Variants in ESCO2 observed in about 807,000 individuals in gnomAD.
ESCO2 encodes the protein establishment of sister chromatid cohesion N-acetyltransferase 2, also known as N-acetyltransferase ESCO2.
Under a neutral mutation model 61.7 loss-of-function variants are expected in ESCO2, and 51 were observed. The observed-to-expected ratio is 0.83, with a 90% CI of 0.66 to 1.04. The LOEUF is 1.04. Ranked by LOEUF, ESCO2 falls within the 50% of genes least tolerant of loss-of-function variation. ESCO2 has a pLI of 0.00. For synonymous variants in ESCO2, 230 were observed against 238.2 expected (o/e 0.97, Z 0.32); for missense variants, 692 against 686.2 (o/e 1.01, Z -0.09).
At chr8:27,775,265 G>A (rs1252419089) in intron 1 of ESCO2, among the ~76,000 whole-genome samples, 1 of 152,154 alleles carries the variant, frequency 6.6e-6, no homozygotes, top group Non-Finnish European at 1.5e-5. Flanking sequence ...GAAGGCTGTT[G>A]AGATGGGGAA....
At position 27,788,008 on chromosome 8, in the gene ESCO2, T is replaced by TA. The variant is rs1805086181; in HGVS notation, c.1131+9dup. On this transcript the variant is annotated splice_region_variant and intron_variant, in intron 6 of 10. Transcript: ENST00000305188. ...CAAAAGACCAGCTCATCATCGTGAG[T>TA]AAATTCCAAACAAAGCTTCTCCTAT... 6.3e-7 allele frequency: 1 copy of TA among 1,597,074 alleles called. No homozygotes were observed. Among genetic ancestry groups the TA allele is most frequent in the Non-Finnish European group, 8.6e-7 (1 of 1,164,966 alleles).
intron 9 of ESCO2, among the ~76,000 whole-genome samples, chr8:27,798,488 TTACTA>T (rs1805353741): frequency 6.6e-6 from 1 of 151,910 alleles, no homozygotes; most frequent in Non-Finnish European, 1.5e-5. Flanking sequence ...AAACATGTAT[TTACTA>T]TATGATCCAG....
Position 27,787,975 on chromosome 8 carries a change from T to TA in ESCO2, c.1111dup (p.Thr371AsnfsTer32), listed in dbSNP as rs80359859. ...AAAATACTAATACCAGAGATACAAG[T>TA]AAAAAAACAAAAGACCAGCTCATCA... On this transcript the variant is annotated frameshift_variant, in exon 6 of 11. Coordinates refer to ENST00000305188, the MANE Select transcript of ESCO2 (RefSeq NM_001017420.3). LOFTEE classifies it high-confidence loss of function. 2 of 1,613,020 alleles carry TA rather than the reference T, an allele frequency of 1.2e-6. No homozygotes were observed. Among genetic ancestry groups the TA allele is most frequent in the Non-Finnish European group, 8.5e-7 (1 of 1,179,260 alleles).
chr8:27,787,518 A>G (rs1469238995), intron 5 of ESCO2, among the ~76,000 whole-genome samples: 1 of 152,170 alleles, frequency 6.6e-6, no homozygotes, highest in Non-Finnish European at 1.5e-5. Context: ...TCATAGCTGT[A>G]TGGGGTAAAT....
intron 8 of ESCO2, 112 bp downstream of exon 8, chr8:27,792,164 A>T (rs754732288): frequency 2.8e-5 from 27 of 972,178 alleles, no homozygotes; most frequent in Non-Finnish European, 4.4e-5. Context: ...TACCTGCTTA[A>T]TGATTACTTT....
At chr8:27,797,504 C>G (rs569499277) in intron 9 of ESCO2, among the ~76,000 whole-genome samples, 1 of 151,956 alleles carries the variant, frequency 6.6e-6, no homozygotes, top group Non-Finnish European at 1.5e-5. Flanking sequence ...TGTTTTTATC[C>G]ATTTAGCCAC....
At chr8:27,800,673 T>G (rs944527522) in intron 10 of ESCO2, among the ~76,000 whole-genome samples, 1 of 152,118 alleles carries the variant, frequency 6.6e-6, no homozygotes, top group Non-Finnish European at 1.5e-5. Flanking sequence ...GGATTATTTA[T>G]AAAAGCCAAA....
Position 27,777,138 on chromosome 8 carries a change from C to T in ESCO2, c.830C>T (p.Ala277Val), listed in dbSNP as rs776867846. 1.3e-6 allele frequency: 2 copies of T among 1,599,434 alleles called. No individual in the cohort carries two copies. The highest frequency in any genetic ancestry group is 1.1e-5 in the South Asian group (1 of 87,202). Residue 277 changes from alanine to valine, a missense_variant, in exon 3 of 11, where the codon GCA becomes GTA. Ala to Val is a moderately conservative substitution (Grantham distance 64). Coordinates refer to ENST00000305188, the MANE Select transcript of ESCO2 (RefSeq NM_001017420.3). ...EEKLKIGLLS[A>V]SSKNKEKLIK... Reference sequence around the variant, plus strand: ...AAATTGAAAATTGGACTACTGAGTGCAAGCAGTAAAAATAAAGAGAAATTA... The same window carrying T: ...AAATTGAAAATTGGACTACTGAGTGTAAGCAGTAAAAATAAAGAGAAATTA...
rs1164897198 is a variant in ESCO2, at chr8:27,803,485, A to C, written c.*47A>C. ...AGTTACTATCTGGATAAGTTCAAAGAGCTCCTTATTATAAAATACAAACTA... is the reference window on the plus strand; with the variant it reads ...AGTTACTATCTGGATAAGTTCAAAGCGCTCCTTATTATAAAATACAAACTA... On this transcript the variant is annotated 3_prime_UTR_variant, in exon 11 of 11. Transcript: ENST00000305188. The C allele has an allele frequency of 3.1e-6, 5 of 1,605,772 alleles. No homozygotes were observed. The highest frequency in any genetic ancestry group is 1.7e-5 in the Admixed American group (1 of 59,452).
At position 27,780,041 on chromosome 8, in the gene ESCO2, G is replaced by GA. The variant is rs141058767; in HGVS notation, c.862-129dup. 3.1e-3 allele frequency: 2,037 copies of GA among 660,878 alleles called. 29 individuals are homozygous for GA. In the African/African-American group the frequency reaches 0.032, roughly 10 times the overall value. 40.9% of individuals were successfully genotyped at this position (660,878 alleles called of 1,614,324 possible). A position where few individuals can be genotyped will look rare whatever the true frequency, so the allele number is the denominator to read the frequency against. ...CCTAAAAATAGTTTGAAAATTGATT[G>GA]AAAATCACATTATGAAATGTAATTC... On this transcript the variant is annotated intron_variant, in intron 3 of 10. Transcript: ENST00000305188.
chr8:27,780,573 CTCTA>C (rs958555606), intron 4 of ESCO2, among the ~76,000 whole-genome samples: 12 of 152,320 alleles, frequency 7.9e-5, no homozygotes, highest in African/African-American at 2.9e-4. Context: ...ATCATACCTA[CTCTA>C]TCTTTCACCC....
chr8:27,782,867 T>TC (rs1290167322), intron 4 of ESCO2, among the ~76,000 whole-genome samples: 1 of 152,096 alleles, frequency 6.6e-6, no homozygotes, highest in African/African-American at 2.4e-5. Context: ...CTTCTCTTTT[T>TC]CCCCCTACCT....
chr8:27,814,374 T>C (rs924751916), downstream of ESCO2, among the ~76,000 whole-genome samples: 1 of 152,200 alleles, frequency 6.6e-6, no homozygotes, highest in African/African-American at 2.4e-5. Flanking sequence ...GAATTTACAA[T>C]AACCCTTTTC....
chr8:27,806,641 C>A (rs1468601538), downstream of ESCO2, among the ~76,000 whole-genome samples: 1 of 144,002 alleles, frequency 6.9e-6, no homozygotes, highest in Non-Finnish European at 1.5e-5. Flanking sequence ...TTTTTTTAGA[C>A]GGAGTTTTGC....
rs79509272 is a variant in ESCO2 at position 27,785,995 on chromosome 8, T to C, written c.1014-1890T>C. On this transcript the variant is annotated intron_variant, in intron 5 of 10. Coordinates refer to ENST00000305188, the MANE Select transcript of ESCO2 (RefSeq NM_001017420.3). Reference sequence around the variant, plus strand: ...AGAGGAGGGTAGACATTTAAACAAATATAGTGTTAGAGTTGCTAAAATGGA... The same window carrying C: ...AGAGGAGGGTAGACATTTAAACAAACATAGTGTTAGAGTTGCTAAAATGGA... Among the ~76,000 whole-genome samples, 1,069 of 152,238 alleles carry C rather than the reference T, an allele frequency of 7.0e-3. 7 individuals are homozygous for C. Among genetic ancestry groups the C allele is most frequent in the African/African-American group, 0.024 (1,009 of 41,558 alleles).
chr8:27,772,034 T>C (rs1334021980), upstream of ESCO2: 1 of 158,192 alleles, frequency 6.3e-6, no homozygotes, highest in Non-Finnish European at 1.4e-5. Flanking sequence ...TTGTTTTCTG[T>C]TGCATCCCAG....
intron 7 of ESCO2, 37 bp from the exon 8 acceptor site, chr8:27,791,923 TCAC>T: frequency 6.3e-7 from 1 of 1,582,526 alleles, no homozygotes; most frequent in Admixed American, 1.7e-5. Context: ...TTTTTCCTCT[TCAC>T]AAATTAAACT....
At chr8:27,806,872 T>G (rs999030557), downstream of ESCO2, among the ~76,000 whole-genome samples, 20 of 152,312 alleles carry the variant, frequency 1.3e-4, no homozygotes, top group African/African-American at 4.6e-4. Context: ...CACTTCAGCC[T>G]CCCAAAGTCC....
At chr8:27,793,669 TAG>T (rs1805231041) in intron 9 of ESCO2, among the ~76,000 whole-genome samples, 1 of 151,972 alleles carries the variant, frequency 6.6e-6, no homozygotes, top group African/African-American at 2.4e-5. Context: ...GTATTTTTAG[TAG>T]AGACGGGGTT....
Sources: allele counts gnomAD v4.1 joint callset (sites outside exome capture counted in the v4.1 genomes callset), GRCh38; gene constraint gnomAD v4.1.1; transcripts MANE v1.5; gene names NCBI Gene and HGNC (gene_info 2026-07-23, HGNC 2026-07-21).